The following VPS13B variants were observed in gnomAD, a reference collection of about 807,000 sequenced individuals.
VPS13B encodes vacuolar protein sorting 13 homolog B.
A neutral mutation model predicts 426.4 loss-of-function variants in VPS13B; 285 were observed. The ratio of observed to expected loss-of-function variants is 0.67; its 90% CI spans 0.61 to 0.74. The LOEUF is 0.74. VPS13B is among the 30% of genes least tolerant of loss of function. VPS13B has a pLI of 0.00. For missense variants in VPS13B, 4,537 were observed against 4,782.6 expected, an observed-to-expected ratio of 0.95 and a Z score of 1.51; for synonymous variants, 1,676 against 1,676.4, an observed-to-expected ratio of 1.00 and a Z score of 0.01.
At chr8:99,388,301 T>C (rs926162680) in intron 20 of VPS13B, among the ~76,000 whole-genome samples, 7 of 152,198 alleles carry the variant, frequency 4.6e-5, no homozygotes, top group African/African-American at 1.7e-4. Context: ...TTTAGTTTTA[T>C]CTATAATATT....
intron 21 of VPS13B, among the ~76,000 whole-genome samples, chr8:99,403,989 CAG>C (rs1209248695): frequency 6.6e-6 from 1 of 152,030 alleles, no homozygotes; most frequent in Non-Finnish European, 1.5e-5. Flanking sequence ...TTTTTAAACA[CAG>C]GGTTTATTCA....
chr8:99,677,262 C>T (rs529155141), intron 35 of VPS13B, among the ~76,000 whole-genome samples: 6 of 152,154 alleles, frequency 3.9e-5, no homozygotes, highest in Admixed American at 2.0e-4. Context: ...CATGAGAGTC[C>T]TGCCTCTATC....
chr8:99,034,259 A>T (rs1053675167), intron 2 of VPS13B, among the ~76,000 whole-genome samples: 2 of 152,164 alleles, frequency 1.3e-5, no homozygotes, highest in Non-Finnish European at 2.9e-5. Flanking sequence ...TAAGCCTGGC[A>T]TTCTAGGAAT....
At chr8:99,246,849 CAAA>C (rs11312937) in intron 17 of VPS13B, among the ~76,000 whole-genome samples, 2 of 135,808 alleles carry the variant, frequency 1.5e-5, no homozygotes, top group South Asian at 2.3e-4. Flanking sequence ...GACTCTGTCT[CAAA>C]AAAAAAAAAA....
chr8:99,418,592 A>T (rs563933123), intron 21 of VPS13B, among the ~76,000 whole-genome samples: 69 of 147,850 alleles, frequency 4.7e-4, no homozygotes, highest in African/African-American at 1.6e-3. Flanking sequence ...TCTGTAACCC[A>T]GGCTGGAGTG....
chr8:99,149,320 C>T (rs1049814317), intron 14 of VPS13B, among the ~76,000 whole-genome samples: 13 of 152,054 alleles, frequency 8.5e-5, no homozygotes, highest in African/African-American at 1.4e-4. Flanking sequence ...CTTATTTGTT[C>T]GTTTGTTTGC....
intron 19 of VPS13B, among the ~76,000 whole-genome samples, chr8:99,313,403 G>C (rs968808770): frequency 1.3e-5 from 2 of 152,192 alleles, no homozygotes; most frequent in African/African-American, 4.8e-5. Flanking sequence ...ACCTTCAGCT[G>C]CAGGTCTATT....
chr8:99,609,267 C>G (rs1485636487), intron 33 of VPS13B, among the ~76,000 whole-genome samples: 1 of 151,960 alleles, frequency 6.6e-6, no homozygotes, highest in Admixed American at 6.6e-5. Context: ...GCAGATCTTC[C>G]AAAAGTTTAT....
intron 40 of VPS13B, among the ~76,000 whole-genome samples, chr8:99,773,000 T>C (rs778792087): frequency 3.3e-5 from 5 of 152,146 alleles, no homozygotes; most frequent in Admixed American, 2.0e-4. Flanking sequence ...CTAAAGATAA[T>C]CAATTAACAT....
intron 25 of VPS13B, among the ~76,000 whole-genome samples, chr8:99,501,436 C>A (rs1185681204): frequency 6.6e-6 from 1 of 152,088 alleles, no homozygotes; most frequent in Non-Finnish European, 1.5e-5. Context: ...TAATCTTAAC[C>A]TTTTCTAGAT....
In VPS13B at chr8:99,013,708, T is replaced by G. The variant is rs951685933; in HGVS notation, c.-29-52T>G. 14 of 1,565,308 alleles carry G rather than the reference T, an allele frequency of 8.9e-6. No homozygotes were observed. In the African/African-American group the frequency reaches 1.4e-4, roughly 15 times the overall value. Reference sequence around the variant, plus strand: ...GCTTTCGGCCTGAGATAACGAACGCTCTTTCCTTCACTCTACCGCCGACTT... The same window carrying G: ...GCTTTCGGCCTGAGATAACGAACGCGCTTTCCTTCACTCTACCGCCGACTT... On this transcript the variant is annotated intron_variant, in intron 1 of 61. Coordinates refer to ENST00000357162, the MANE Select transcript of VPS13B (RefSeq NM_152564.5).
intron 41 of VPS13B, among the ~76,000 whole-genome samples, chr8:99,777,388 G>A (rs940405125): frequency 4.6e-5 from 7 of 152,134 alleles, no homozygotes; most frequent in East Asian, 1.9e-4. Flanking sequence ...AGCAGGTCAC[G>A]TCTTACATGG....
chr8:99,752,905 T>C (rs1459235121), intron 39 of VPS13B, among the ~76,000 whole-genome samples: 2 of 152,202 alleles, frequency 1.3e-5, no homozygotes, highest in Non-Finnish European at 2.9e-5. Context: ...TATTTGTCAG[T>C]TTATATTTTT....
In VPS13B at chr8:99,868,368, G is replaced by A; in HGVS notation, c.11295G>A (p.Lys3765=). The A allele has an allele frequency of 6.2e-7, 1 of 1,614,204 alleles. No individual in the cohort carries two copies. The highest frequency in any genetic ancestry group is 8.5e-7 in the Non-Finnish European group (1 of 1,180,042). Residue 3765 remains lysine, a synonymous_variant, in exon 59 of 62, where the codon AAG becomes AAA. Coordinates refer to ENST00000357162, the MANE Select transcript of VPS13B (RefSeq NM_152564.5). ...AGGCACAGGCTTCAGCAGGACACAA[G>A]GCCAAGGGTGTCATCTCGGGTGTGG... is the stretch of plus-strand genomic sequence containing the variant. ...TSEAQASAGH[K]AKGVISGVGK...
intron 25 of VPS13B, among the ~76,000 whole-genome samples, chr8:99,493,573 T>A (rs1820729195): frequency 6.6e-6 from 1 of 151,892 alleles, no homozygotes; most frequent in African/African-American, 2.4e-5. Context: ...TCAGCTGAGA[T>A]CAGGAGTTCG....
chr8:99,191,376 C>G (rs200709359), intron 16 of VPS13B, among the ~76,000 whole-genome samples: 1 of 70,922 alleles, frequency 1.4e-5, no homozygotes, highest in Non-Finnish European at 2.6e-5. Flanking sequence ...CTCTCTCTCT[C>G]TTTTTTTTTT....
chr8:99,840,790 G>A (rs1468669483), intron 54 of VPS13B, among the ~76,000 whole-genome samples: 1 of 152,162 alleles, frequency 6.6e-6, no homozygotes, highest in African/African-American at 2.4e-5. Context: ...AAAGCTTAAA[G>A]CAGCAGGTAG....
intron 56 of VPS13B, among the ~76,000 whole-genome samples, chr8:99,858,474 C>T (rs1408798596): frequency 6.6e-6 from 1 of 152,154 alleles, no homozygotes; most frequent in African/African-American, 2.4e-5. Context: ...ATGTCCCTGT[C>T]ACAGAGTTCA....
chr8:99,140,560 T>C (rs994110375), intron 12 of VPS13B, among the ~76,000 whole-genome samples: 1 of 149,666 alleles, frequency 6.7e-6, no homozygotes, highest in African/African-American at 2.4e-5. Flanking sequence ...CTCCTCCTTC[T>C]CCTCCTTTCT....
Sources: allele counts gnomAD v4.1 joint callset (sites outside exome capture counted in the v4.1 genomes callset), GRCh38; gene constraint gnomAD v4.1.1; transcripts MANE v1.5; gene names NCBI Gene and HGNC (gene_info 2026-07-23, HGNC 2026-07-21).